UBE2U: variants seen among roughly 807,000 people sequenced by gnomAD.
UBE2U encodes the protein ubiquitin conjugating enzyme E2 U.
In UBE2U, 39 loss-of-function variants were observed where a neutral mutation model predicts 41.2. The observed-to-expected ratio is 0.95, with a 90% CI of 0.73 to 1.24. The LOEUF is 1.24. Ranked by LOEUF, UBE2U falls within the 50% of genes most tolerant of loss-of-function variation. The pLI is 0.00. For missense variants in UBE2U, 336 were observed against 363.1 expected, an observed-to-expected ratio of 0.93 and a Z score of 0.61; for synonymous variants, 107 against 117.8, an observed-to-expected ratio of 0.91 and a Z score of 0.60.
At chr1:64,211,513 C>T (rs867538961) in intron 4 of UBE2U, among the ~76,000 whole-genome samples, 15 of 152,294 alleles carry the variant, frequency 9.8e-5, no homozygotes, top group Non-Finnish European at 2.2e-4. Context: ...AATCCTGGCT[C>T]ACTGCAGCCT....
At chr1:64,257,355 T>C (rs186725974) in intron 8 of UBE2U, among the ~76,000 whole-genome samples, 101 of 152,180 alleles carry the variant, frequency 6.6e-4, no homozygotes, top group Middle Eastern at 3.4e-3. Context: ...AGACATGGAA[T>C]CAACCCAAAT....
At chr1:64,261,779 A>G (rs1217046254) in intron 9 of UBE2U, among the ~76,000 whole-genome samples, 1 of 151,982 alleles carries the variant, frequency 6.6e-6, no homozygotes, top group East Asian at 1.9e-4. Context: ...CAACATCCCC[A>G]CCATGTTCAC....
rs773028558 is a variant in UBE2U, at chr1:64,203,817, G to A, written c.-234G>A. 9 of 408,738 alleles carry A rather than the reference G, an allele frequency of 2.2e-5. 1 individual carries two copies. Among genetic ancestry groups the A allele is most frequent in the East Asian group, 3.6e-5 (1 of 28,044 alleles). 25.3% of individuals were successfully genotyped at this position (408,738 alleles called of 1,614,324 possible). On this transcript the variant is annotated 5_prime_UTR_variant, in exon 1 of 10. Coordinates refer to ENST00000371077, the MANE Select transcript of UBE2U (RefSeq NM_001366232.2). ...CACTGCAGTGAAACGCCGCAGATGAGGAAGTGCCCAAGTCTTCCTTCGGGA... is the reference window on the plus strand; with the variant it reads ...CACTGCAGTGAAACGCCGCAGATGAAGAAGTGCCCAAGTCTTCCTTCGGGA...
chr1:64,218,980 T>C (rs1441881383), intron 5 of UBE2U, among the ~76,000 whole-genome samples: 1 of 152,202 alleles, frequency 6.6e-6, no homozygotes, highest in Non-Finnish European at 1.5e-5. Flanking sequence ...TTGGCAGTTC[T>C]CTTGCAGGTG....
chr1:64,241,548 G>T, intron 7 of UBE2U, 104 bp from the exon 8 acceptor site: 1 of 770,548 alleles, frequency 1.3e-6, no homozygotes, highest in South Asian at 1.7e-5. Context: ...GCATGTTATT[G>T]CCACATATCA....
chr1:64,251,165 G>T (rs1362679387), intron 8 of UBE2U, among the ~76,000 whole-genome samples: 1 of 150,436 alleles, frequency 6.6e-6, no homozygotes, highest in Non-Finnish European at 1.5e-5. Context: ...AAAAATTTTA[G>T]TATATTTAAT....
chr1:64,244,854 A>G (rs1207259886), intron 8 of UBE2U, among the ~76,000 whole-genome samples: 1 of 152,148 alleles, frequency 6.6e-6, no homozygotes, highest in Non-Finnish European at 1.5e-5. Context: ...AATAGTAGGC[A>G]CTCAATTAAT....
intron 6 of UBE2U, among the ~76,000 whole-genome samples, chr1:64,230,470 C>G (rs1644540903): frequency 6.6e-6 from 1 of 152,198 alleles, no homozygotes; most frequent in Non-Finnish European, 1.5e-5. Flanking sequence ...TATGAAGTCT[C>G]CATTCTAGTC....
intron 6 of UBE2U, among the ~76,000 whole-genome samples, chr1:64,223,387 A>G (rs1181344489): frequency 2.0e-5 from 3 of 152,138 alleles, no homozygotes; most frequent in Non-Finnish European, 2.9e-5. Flanking sequence ...GCCACCAGAG[A>G]ATGTAGTTGG....
At chr1:64,230,296 A>T (rs770245058) in intron 6 of UBE2U, among the ~76,000 whole-genome samples, 3 of 152,194 alleles carry the variant, frequency 2.0e-5, no homozygotes, top group African/African-American at 7.2e-5. Flanking sequence ...TCTTGCTCCA[A>T]CATGGATTTC....
chr1:64,217,365 G>A (rs1391978740), intron 5 of UBE2U, among the ~76,000 whole-genome samples: 2 of 152,144 alleles, frequency 1.3e-5, no homozygotes, highest in African/African-American at 2.4e-5. Context: ...GGAAGGTCTG[G>A]AGACAATGTA....
At chr1:64,244,000 A>C in intron 8 of UBE2U, 1 of 562,888 alleles carries the variant, frequency 1.8e-6, no homozygotes, top group Non-Finnish European at 3.3e-6. Flanking sequence ...CTCCCAGGGA[A>C]GGTGTGAGGA....
intron 6 of UBE2U, among the ~76,000 whole-genome samples, chr1:64,221,799 A>G (rs1652486792): frequency 6.6e-6 from 1 of 152,198 alleles, no homozygotes; most frequent in Non-Finnish European, 1.5e-5. Flanking sequence ...AAATTAGATA[A>G]CTTATGGCCG....
Position 64,239,106 on chromosome 1 carries a change from A to AAG in UBE2U, c.596-2544_596-2543dup, listed in dbSNP as rs1202641431. ...GAAGAGGAAGAGGAAGAAGAAGAAG[A>AAG]AGAAGAAGAAGAAGAAGAAGAAGAA... On this transcript the variant is annotated intron_variant, in intron 7 of 9. Transcript: ENST00000371077. Among the ~76,000 whole-genome samples the AAG allele has an allele frequency of 4.2e-3, 43 of 10,144 alleles. 1 individual carries two copies. The highest frequency in any genetic ancestry group is 0.026 in the Middle Eastern group (1 of 38). 6.7% of individuals were successfully genotyped at this position (10,144 alleles called of 152,430 possible).
intron 8 of UBE2U, among the ~76,000 whole-genome samples, chr1:64,256,719 C>A (rs531200865): frequency 2.0e-4 from 31 of 152,058 alleles, no homozygotes; most frequent in Non-Finnish European, 3.2e-4. Context: ...GCAAAGATTT[C>A]ATGATGAAAA....
intron 7 of UBE2U, 109 bp downstream of exon 7, chr1:64,232,758 A>C: frequency 1.4e-6 from 1 of 723,708 alleles, no homozygotes; most frequent in Non-Finnish European, 2.3e-6. Flanking sequence ...AAGAGTGATA[A>C]ACTTCTCTGT....
chr1:64,213,055 G>A (rs780453277), intron 4 of UBE2U, among the ~76,000 whole-genome samples: 1 of 152,064 alleles, frequency 6.6e-6, no homozygotes, highest in Non-Finnish European at 1.5e-5. Context: ...ACTGTTACTA[G>A]GAAAGAGCTT....
rs539942574 is a variant in UBE2U, at chr1:64,240,603, A to G, written c.596-1049A>G. Among the ~76,000 whole-genome samples the G allele has an allele frequency of 2.6e-5, 4 of 152,326 alleles. No homozygotes were observed. The South Asian group carries it at 8.3e-4, about 32-fold the overall frequency. On this transcript the variant is annotated intron_variant, in intron 7 of 9. Transcript: ENST00000371077. ...GGAGATTCTTGCTTTGTGAAGGATCAAGCAAGGTCTTTAATGTCATTTCCA... is the reference window on the plus strand; with the variant it reads ...GGAGATTCTTGCTTTGTGAAGGATCGAGCAAGGTCTTTAATGTCATTTCCA...
intron 8 of UBE2U, among the ~76,000 whole-genome samples, chr1:64,249,877 A>G (rs969531039): frequency 3.9e-5 from 6 of 152,238 alleles, no homozygotes; most frequent in African/African-American, 1.2e-4. Flanking sequence ...AATTTTCCCA[A>G]TTTGATGAAG....
Sources: allele counts gnomAD v4.1 joint callset (sites outside exome capture counted in the v4.1 genomes callset), GRCh38; gene constraint gnomAD v4.1.1; transcripts MANE v1.5; gene names NCBI Gene and HGNC (gene_info 2026-07-23, HGNC 2026-07-21).